CCDC125: variants seen among roughly 807,000 people sequenced by gnomAD.
The protein encoded by CCDC125 is coiled-coil domain-containing protein 125.
CCDC125 carries 43 observed loss-of-function variants against 57.4 expected under a neutral mutation model. That is an observed-to-expected ratio of 0.75 (90% confidence interval 0.59 to 0.97). CCDC125 has a LOEUF of 0.97. Ranked by LOEUF, CCDC125 falls within the 50% of genes least tolerant of loss-of-function variation. CCDC125 has a pLI of 0.00. For missense variants in CCDC125, 563 were observed against 595.7 expected (o/e 0.95, Z 0.57); for synonymous variants, 187 against 195.2 (o/e 0.96, Z 0.35).
intron 2 of CCDC125, 106 bp downstream of exon 2, chr5:69,320,131 A>C (rs1759787532): frequency 8.6e-7 from 1 of 1,165,474 alleles, no homozygotes; most frequent in Non-Finnish European, 1.2e-6. Context: ...CAGAAAAAAA[A>C]GAAAATCTAA....
chr5:69,303,773 A>G, intron 7 of CCDC125, 74 bp downstream of exon 7: 1 of 838,576 alleles, frequency 1.2e-6, no homozygotes, highest in Non-Finnish European at 1.9e-6. Context: ...ATTATACTTA[A>G]TGTATATTAT....
At chr5:69,323,177 C>T (rs1468246966) in intron 1 of CCDC125, among the ~76,000 whole-genome samples, 2 of 151,116 alleles carry the variant, frequency 1.3e-5, no homozygotes, top group Non-Finnish European at 2.9e-5. Flanking sequence ...GGCATTGTGG[C>T]GTGTGCCTGT....
At chr5:69,289,954 A>G (rs1217392973) in intron 10 of CCDC125, among the ~76,000 whole-genome samples, 1 of 151,956 alleles carries the variant, frequency 6.6e-6, no homozygotes, top group Non-Finnish European at 1.5e-5. Flanking sequence ...ATTTTTAGAA[A>G]TTAATTTCAA....
intron 10 of CCDC125, among the ~76,000 whole-genome samples, chr5:69,288,245 G>C (rs1040116443): frequency 6.6e-6 from 1 of 152,114 alleles, no homozygotes; most frequent in African/African-American, 2.4e-5. Context: ...TGAGGCTCTT[G>C]ATGGGCTCCT....
chr5:69,296,117 C>T (rs913286520), intron 8 of CCDC125, among the ~76,000 whole-genome samples: 14 of 151,830 alleles, frequency 9.2e-5, no homozygotes, highest in African/African-American at 3.4e-4. Context: ...CTCCTGACCT[C>T]GTGATCTGCC....
intron 7 of CCDC125, among the ~76,000 whole-genome samples, chr5:69,303,545 G>C (rs1756862481): frequency 6.7e-6 from 1 of 149,670 alleles, no homozygotes; most frequent in African/African-American, 2.5e-5. Context: ...TTGTATTTTT[G>C]GTAGAAATGG....
In CCDC125 at chr5:69,287,325, G is replaced by T. The variant is rs200366893; in HGVS notation, c.1100-1858C>A. Among the ~76,000 whole-genome samples the T allele has an allele frequency of 5.3e-5, 8 of 149,766 alleles. No homozygotes were observed. In the East Asian group the frequency reaches 1.2e-3, roughly 22 times the overall value. On this transcript the variant is annotated intron_variant, in intron 10 of 11. Transcript: ENST00000396496. ...GTCGCCCAGGCTGGAGTGCAACAGC[G>T]CAATCTTGGCTCACCACAACCTCTG...
In CCDC125 at chr5:69,286,187, A is replaced by AATAT. The variant is rs1561402049; in HGVS notation, c.1100-721_1100-720insATAT. Among the ~76,000 whole-genome samples the AATAT allele has an allele frequency of 3.0e-4, 16 of 53,938 alleles. No individual in the cohort carries two copies. The South Asian group carries it at 4.3e-3, about 15-fold the overall frequency. 35.4% of individuals were successfully genotyped at this position (53,938 alleles called of 152,430 possible). On this transcript the variant is annotated intron_variant, in intron 10 of 11. Coordinates refer to ENST00000396496, the MANE Select transcript of CCDC125 (RefSeq NM_176816.5). ...CACTTAAAAACAGTTCAAATGGTAA[A>AATAT]CTATATATATATATATATATATATA...
intron 10 of CCDC125, among the ~76,000 whole-genome samples, chr5:69,286,278 C>T (rs1753432773): frequency 7.3e-6 from 1 of 136,628 alleles, no homozygotes; most frequent in Non-Finnish European, 1.5e-5. Context: ...GTCACCCAGG[C>T]TGGAGTGCAG....
chr5:69,282,822 C>G lies in CCDC125; in HGVS notation c.1443G>C (p.Val481=). The change falls in exon 12 of 12, where the codon GTG becomes GTC. Residue 481 remains valine, a synonymous_variant. Transcript: ENST00000396496. ...IHSSVCILNS[V]GCICSIQHSQ... is the part of the protein sequence containing the mutation. ...AGTGCTGGATTGAACAAATGCAGCCCACAGAATTTAAAATGCAGACACTTG... is the reference window on the plus strand; with the variant it reads ...AGTGCTGGATTGAACAAATGCAGCCGACAGAATTTAAAATGCAGACACTTG... The G allele has an allele frequency of 6.2e-7, 1 of 1,613,954 alleles. No homozygotes were observed. The highest frequency in any genetic ancestry group is 1.1e-5 in the South Asian group (1 of 91,078).
intron 7 of CCDC125, among the ~76,000 whole-genome samples, chr5:69,302,953 T>C (rs1226063999): frequency 1.3e-5 from 2 of 152,146 alleles, no homozygotes; most frequent in Non-Finnish European, 2.9e-5. Flanking sequence ...GATTTTACTT[T>C]GGAGTACTGG....
At chr5:69,313,456 T>G in intron 3 of CCDC125, 3 of 1,280,792 alleles carry the variant, frequency 2.3e-6, no homozygotes, top group Non-Finnish European at 3.4e-6. Flanking sequence ...CTCCTCATAG[T>G]AGTTTGCTTG....
Position 69,311,180 on chromosome 5 carries a change from G to A in CCDC125, c.391C>T (p.Leu131Phe). The change falls in exon 4 of 12, where the codon CTT becomes TTT. Residue 131 changes from leucine (L) to phenylalanine (F), a missense_variant. By Grantham distance (22) the Leu-to-Phe change is conservative. Coordinates refer to ENST00000396496, the MANE Select transcript of CCDC125 (RefSeq NM_176816.5). ...CTGAGTTGTCTTTGAGATGCCTCAA[G>A]TTCAGTTTTTAACATTTCTACCTCC... ...LEEVEMLKTE[L>F]EASQRQLRGK... 6.2e-7 allele frequency: 1 copy of A among 1,609,880 alleles called. No individual in the cohort carries two copies. Among genetic ancestry groups the A allele is most frequent in the Non-Finnish European group, 8.5e-7 (1 of 1,177,154 alleles).
chr5:69,292,245 C>T lies in CCDC125; in HGVS notation c.1042G>A (p.Asp348Asn). The T allele has an allele frequency of 6.2e-7, 1 of 1,613,688 alleles. No homozygotes were observed. Among genetic ancestry groups the T allele is most frequent in the Non-Finnish European group, 8.5e-7 (1 of 1,179,864 alleles). ...NDQALQLTQM[D>N]KMHKKATKWM... ...TTTGTTGCTTTTTTATGCATTTTAT[C>T]CATTTGTGTCAATTGTAGTGCCTGG... The change falls in exon 10 of 12, where the codon GAT becomes AAT. Residue 348 changes from aspartate to asparagine, a missense_variant. By Grantham distance (23) the Asp-to-Asn change is conservative (BLOSUM62 1). Transcript: ENST00000396496.
In CCDC125 at chr5:69,300,027, C is replaced by T; in HGVS notation, c.801G>A (p.Glu267=). The T allele has an allele frequency of 2.5e-6, 4 of 1,614,044 alleles. No homozygotes were observed. Among genetic ancestry groups the T allele is most frequent in the Non-Finnish European group, 3.4e-6 (4 of 1,179,886 alleles). Residue 267 remains glutamate (E), a synonymous_variant, in exon 8 of 12, where the codon GAG becomes GAA. Transcript: ENST00000396496. ...GCTTACCTACCTCAAGACCTGAAGC[C>T]TCTGCAAAGCCACTTTTATCACAGC... ...NMCCDKSGFA[E]ASGLELAVLG...
At chr5:69,305,579 G>C (rs577404085) in intron 6 of CCDC125, among the ~76,000 whole-genome samples, 1 of 152,184 alleles carries the variant, frequency 6.6e-6, no homozygotes, top group Non-Finnish European at 1.5e-5. Flanking sequence ...ATGAATGCAG[G>C]ATGTAGGCAA....
intron 8 of CCDC125, among the ~76,000 whole-genome samples, chr5:69,297,035 A>C (rs556166683): frequency 1.2e-4 from 19 of 152,340 alleles, no homozygotes; most frequent in African/African-American, 4.6e-4. Flanking sequence ...GGCAATCTAC[A>C]CAACATAGCG....
intron 5 of CCDC125, 105 bp from the exon 6 acceptor site, chr5:69,307,007 T>G: frequency 8.0e-7 from 1 of 1,242,892 alleles, no homozygotes; most frequent in Non-Finnish European, 1.0e-6. Flanking sequence ...TCAGAAATGG[T>G]TTAAAGAGAA....
the CCDC125 span, chr5:69,273,110 A>G: frequency 1.8e-6 from 2 of 1,103,008 alleles, no homozygotes; most frequent in East Asian, 5.4e-5. Flanking sequence ...TGATAAAAAT[A>G]GAATTTCATA....
Sources: gnomAD v4.1 joint callset for allele counts (sites outside exome capture counted in the v4.1 genomes callset) on GRCh38, gnomAD v4.1.1 for gene constraint, MANE v1.5 for transcripts, NCBI Gene and HGNC (gene_info 2026-07-23, HGNC 2026-07-21) for gene names.